Variants in CREBBP observed in about 807,000 individuals in gnomAD.
CREBBP encodes CREB-binding protein.
A neutral mutation model predicts 265.0 loss-of-function variants in CREBBP; 19 were observed. The observed-to-expected ratio is 0.07, with a 90% CI of 0.05 to 0.11. The LOEUF (loss-of-function observed/expected upper bound fraction) is 0.11. Ranked by LOEUF, CREBBP falls within the 10% of genes least tolerant of loss-of-function variation. The pLI is 1.00. For missense variants in CREBBP, 2,525 were observed against 3,219.0 expected (o/e 0.78, Z 5.22); for synonymous variants, 1,457 against 1,223.7 (o/e 1.19, Z -3.98).
intron 2 of CREBBP, among the ~76,000 whole-genome samples, chr16:3,835,590 T>A (rs1171708127): frequency 1.3e-5 from 2 of 149,344 alleles, no homozygotes; most frequent in Admixed American, 1.3e-4. Flanking sequence ...TTTTTTTTTT[T>A]TTTTTTTGAG....
intron 4 of CREBBP, among the ~76,000 whole-genome samples, chr16:3,792,965 G>T (rs1259345417): frequency 6.6e-6 from 1 of 152,212 alleles, no homozygotes; most frequent in Non-Finnish European, 1.5e-5. Context: ...CAAGGCCGCA[G>T]GCCACCAAGA....
At chr16:3,873,798 C>A (rs550561165) in intron 1 of CREBBP, among the ~76,000 whole-genome samples, 8 of 152,036 alleles carry the variant, frequency 5.3e-5, no homozygotes, top group Non-Finnish European at 1.0e-4. Context: ...GTACGGAACT[C>A]GGAAGCAAAT....
Position 3,731,626 on chromosome 16 carries a change from TTG to T in CREBBP, c.4890+148_4890+149del. ...GGGATGGAACAAAATTGGTGACACG[TTG>T]CATGATGTCACCCAACTGGTCCACT... On this transcript the variant is annotated intron_variant, in intron 29 of 30. Transcript: ENST00000262367. This position sits in a 1 kb window ranked among gnomAD's most constrained non-coding sequence, Gnocchi z 7.7. 7.2e-7 allele frequency: 1 copy of T among 1,388,054 alleles called. No individual in the cohort carries two copies. The highest frequency in any genetic ancestry group is 1.0e-6 in the Non-Finnish European group (1 of 985,240). 86.0% of individuals were successfully genotyped at this position (1,388,054 alleles called of 1,614,324 possible).
chr16:3,778,860 CT>C, intron 8 of CREBBP, 43 bp from the exon 9 acceptor site: 35 of 1,565,840 alleles, frequency 2.2e-5, no homozygotes, highest in Non-Finnish European at 2.7e-5. Flanking sequence ...TTTTTTTCTT[CT>C]TTTTTTTAAA....
intron 26 of CREBBP, 113 bp from the exon 27 acceptor site, chr16:3,736,928 G>C: frequency 1.5e-6 from 2 of 1,323,922 alleles, no homozygotes; most frequent in Non-Finnish European, 2.1e-6. Context: ...TAACCAGAGA[G>C]AGAGAATGAA....
rs755660035 is a variant in CREBBP, at chr16:3,781,193, C to G, written c.1676+11G>C. On this transcript the variant is annotated intron_variant, in intron 7 of 30. Transcript: ENST00000262367. ...GTTGGACTGTCACTCAGATCTGAAA[C>G]AGGGTCTTACTTTGTGGCCCCCAGG... 10 of 1,610,056 alleles carry G rather than the reference C, an allele frequency of 6.2e-6. No homozygotes were observed. Among genetic ancestry groups the G allele is most frequent in the Non-Finnish European group, 7.6e-6 (9 of 1,176,482 alleles).
chr16:3,747,186 A>AG (rs1235567541), intron 21 of CREBBP, among the ~76,000 whole-genome samples: 9 of 152,132 alleles, frequency 5.9e-5, no homozygotes, highest in Non-Finnish European at 8.8e-5. Flanking sequence ...CTACTACAGA[A>AG]CAATGTCTTC....
At chr16:3,858,587 C>T (rs988518461) in intron 1 of CREBBP, among the ~76,000 whole-genome samples, 4 of 152,202 alleles carry the variant, frequency 2.6e-5, no homozygotes, top group African/African-American at 9.6e-5. Flanking sequence ...GTACTAGGCA[C>T]TCAATAAACC....
chr16:3,821,644 T>C (rs1380103975), intron 2 of CREBBP, among the ~76,000 whole-genome samples: 1 of 151,930 alleles, frequency 6.6e-6, no homozygotes, highest in Non-Finnish European at 1.5e-5. Context: ...GCCCCTTTCA[T>C]GCCAATCCAA....
chr16:3,784,750 T>A (rs1035760149), intron 5 of CREBBP, among the ~76,000 whole-genome samples: 1 of 152,102 alleles, frequency 6.6e-6, no homozygotes, highest in African/African-American at 2.4e-5. Flanking sequence ...TATCCACACC[T>A]CCCCAAGTGC....
At chr16:3,792,749 T>C (rs1386165979) in intron 4 of CREBBP, among the ~76,000 whole-genome samples, 1 of 152,182 alleles carries the variant, frequency 6.6e-6, no homozygotes, top group Non-Finnish European at 1.5e-5. Flanking sequence ...GAATAAAGAT[T>C]AAAGGAAAGT....
At chr16:3,792,831 C>T (rs893459082) in intron 4 of CREBBP, among the ~76,000 whole-genome samples, 2 of 152,206 alleles carry the variant, frequency 1.3e-5, no homozygotes, top group African/African-American at 4.8e-5. Flanking sequence ...ACAGAGGGCA[C>T]GTGAAGTGCC....
At chr16:3,764,303 G>A (rs558437836) in intron 16 of CREBBP, among the ~76,000 whole-genome samples, 1 of 151,872 alleles carries the variant, frequency 6.6e-6, no homozygotes, top group Admixed American at 6.6e-5. Flanking sequence ...TTAAGACAGG[G>A]TCTCACTCTC....
chr16:3,853,920 A>T (rs2141514017), intron 1 of CREBBP, among the ~76,000 whole-genome samples: 1 of 152,210 alleles, frequency 6.6e-6, no homozygotes, highest in Admixed American at 6.5e-5. Flanking sequence ...CTGGGCAACA[A>T]GAGCGAAACT....
intron 1 of CREBBP, among the ~76,000 whole-genome samples, chr16:3,854,692 C>G (rs2054923056): frequency 6.6e-6 from 1 of 152,228 alleles, no homozygotes; most frequent in African/African-American, 2.4e-5. Flanking sequence ...GGGAATCTTT[C>G]TTCTTGAATC....
intron 21 of CREBBP, among the ~76,000 whole-genome samples, chr16:3,748,269 C>G (rs1477203068): frequency 6.7e-6 from 1 of 149,458 alleles, no homozygotes; most frequent in Non-Finnish European, 1.5e-5. Context: ...CAGAGCAAGA[C>G]TTGTCTCAGG....
intron 11 of CREBBP, among the ~76,000 whole-genome samples, chr16:3,776,922 G>T (rs535006126): frequency 6.6e-6 from 1 of 152,298 alleles, no homozygotes; most frequent in East Asian, 1.9e-4. Context: ...GGAGGCTGAG[G>T]CAGGAGAATG....
In CREBBP at chr16:3,770,547, ACAG is replaced by A; in HGVS notation, c.2880+20_2880+22del. The A allele has an allele frequency of 6.2e-7, 1 of 1,610,756 alleles. No homozygotes were observed. The highest frequency in any genetic ancestry group is 1.1e-5 in the South Asian group (1 of 91,010). The stretch of plus-strand genomic sequence containing the variant: ...ATCTTCTAAGAGTCTTGGCCCAAAA[ACAG>A]CAGAGACAGAGAGGCTTACCGGTGT... On this transcript the variant is annotated intron_variant, in intron 14 of 30. Coordinates refer to ENST00000262367, the MANE Select transcript of CREBBP (RefSeq NM_004380.3).
chr16:3,844,592 G>A (rs1047411580), intron 2 of CREBBP, among the ~76,000 whole-genome samples: 2 of 152,122 alleles, frequency 1.3e-5, no homozygotes, highest in African/African-American at 4.8e-5. Context: ...TTCCATTTAA[G>A]TAGGATACGA....
Sources: gnomAD v4.1 joint callset for allele counts (sites outside exome capture counted in the v4.1 genomes callset) on GRCh38, gnomAD v4.1.1 for gene constraint, Gnocchi (gnomAD v3.1) non-coding constraint, MANE v1.5 for transcripts, NCBI Gene and HGNC (gene_info 2026-07-23, HGNC 2026-07-21) for gene names.